Variants in MFSD2B observed in about 807,000 individuals in gnomAD.
MFSD2B encodes sphingosine-1-phosphate transporter MFSD2B.
Under a neutral mutation model 58.4 loss-of-function variants are expected in MFSD2B, and 56 were observed. The observed-to-expected ratio is 0.96, with a 90% CI of 0.77 to 1.20. MFSD2B has a LOEUF of 1.20. MFSD2B is among the 50% of genes most tolerant of loss of function. The pLI is 0.00. For synonymous variants in MFSD2B, 287 were observed against 294.4 expected (o/e 0.97, Z 0.26); for missense variants, 645 against 667.6 (o/e 0.97, Z 0.37).
rs1708902369 is a variant in MFSD2B, at chr2:24,010,134, C to T, written c.38C>T (p.Pro13Leu). The T allele has an allele frequency of 1.4e-6, 2 of 1,463,258 alleles. No individual in the cohort carries two copies. Among genetic ancestry groups the T allele is most frequent in the Non-Finnish European group, 1.8e-6 (2 of 1,114,142 alleles). 90.6% of individuals were successfully genotyped at this position (1,463,258 alleles called of 1,614,324 possible). A position where few individuals can be genotyped will look rare whatever the true frequency, so the allele number is the denominator to read the frequency against. ...APPAPAAKGS[P>L]QPEPHAPEPG... ...CCTGCACCAGCCGCCAAGGGGTCCC[C>T]GCAGCCGGAGCCGCACGCCCCAGAG... Residue 13 changes from proline to leucine, a missense_variant, in exon 1 of 14, where the codon CCG becomes CTG. Transcript: ENST00000338315.
intron 6 of MFSD2B, among the ~76,000 whole-genome samples, chr2:24,019,141 G>A (rs147430427): frequency 1.3e-5 from 2 of 152,202 alleles, no homozygotes; most frequent in East Asian, 1.9e-4. Context: ...GTGAGCCACC[G>A]CGCTCGACCT....
intron 1 of MFSD2B, among the ~76,000 whole-genome samples, chr2:24,011,155 G>A (rs896540512): frequency 6.6e-6 from 1 of 152,200 alleles, no homozygotes; most frequent in Non-Finnish European, 1.5e-5. Context: ...CTCGCCCGGA[G>A]CCGCCCCTCC....
chr2:24,024,191 T>G lies in MFSD2B; in HGVS notation c.1410T>G (p.Leu470=). The change falls in exon 13 of 14, where the codon CTT becomes CTG. Residue 470 remains leucine, a synonymous_variant. Coordinates refer to ENST00000338315, the MANE Select transcript of MFSD2B (RefSeq NM_001346880.2). This position sits in a 1 kb window ranked among gnomAD's most constrained non-coding sequence, Gnocchi z 4.3. The part of the protein sequence containing the change: ...LIGAVPTCMI[L]AGLCILMVGS... ...GCGCCGTGCCCACCTGCATGATCCT[T>G]GCTGGGCTCTGCATCCTCATGGTCG... The G allele has an allele frequency of 6.2e-7, 1 of 1,613,746 alleles. No homozygotes were observed. Among genetic ancestry groups the G allele is most frequent in the East Asian group, 2.2e-5 (1 of 44,864 alleles).
At position 24,013,395 on chromosome 2, in the gene MFSD2B, G is replaced by T; in HGVS notation, c.207G>T (p.Leu69=). The part of the protein sequence containing the change: ...SATAFYLQLF[L]LDIAQIPAAQ... ...CAGCCTTTTACCTGCAGCTTTTCCTGCTTGATATAGCACAGGTAAGTGTGG... is the reference window on the plus strand; with the variant it reads ...CAGCCTTTTACCTGCAGCTTTTCCTTCTTGATATAGCACAGGTAAGTGTGG... The change falls in exon 2 of 14, where the codon CTG becomes CTT. Residue 69 remains leucine, a synonymous_variant. Coordinates refer to ENST00000338315, the MANE Select transcript of MFSD2B (RefSeq NM_001346880.2). 6.2e-7 allele frequency: 1 copy of T among 1,608,042 alleles called. No homozygotes were observed. The highest frequency in any genetic ancestry group is 1.7e-5 in the Admixed American group (1 of 59,428).
At chr2:24,013,544 C>A in intron 2 of MFSD2B, 134 bp downstream of exon 2, 1 of 900,390 alleles carries the variant, frequency 1.1e-6, no homozygotes, top group Non-Finnish European at 1.6e-6. Context: ...AAGCCAGAAG[C>A]CAATGAGGGC....
rs894052777 is a variant in MFSD2B, at chr2:24,026,692, G to A, written c.*1236G>A. ...CACGGGGACAGAAACTCTTGTGTAG[G>A]GGACCCTTTTAGATTTCATTCTATA... On this transcript the variant is annotated 3_prime_UTR_variant, in exon 14 of 14. Transcript: ENST00000338315. The A allele has an allele frequency of 2.6e-5, 4 of 152,208 alleles. No homozygotes were observed. Among genetic ancestry groups the A allele is most frequent in the Non-Finnish European group, 5.9e-5 (4 of 68,042 alleles). The allele number at this position is 152,208 out of a possible 1,614,324, so 9.4% of individuals were successfully genotyped here. A position where few individuals can be genotyped will look rare whatever the true frequency, so the allele number is the denominator to read the frequency against.
At chr2:24,018,929 C>A (rs1662644623) in intron 6 of MFSD2B, among the ~76,000 whole-genome samples, 1 of 148,944 alleles carries the variant, frequency 6.7e-6, no homozygotes, top group Admixed American at 6.9e-5. Context: ...CGGCTCACTG[C>A]AACCTCCGTC....
At position 24,023,525 on chromosome 2, in the gene MFSD2B, T is replaced by G. The variant is rs1341942194; in HGVS notation, c.1170-58T>G. The G allele has an allele frequency of 1.9e-6, 3 of 1,563,104 alleles. No homozygotes were observed. The highest frequency in any genetic ancestry group is 2.6e-6 in the Non-Finnish European group (3 of 1,153,560). The stretch of plus-strand genomic sequence containing the variant: ...CACTTTGGCCTCCGTCCCCAGAGAA[T>G]TCACAGGCTGCTGGTGGCCAAGGGG... On this transcript the variant is annotated intron_variant, in intron 11 of 13. Coordinates refer to ENST00000338315, the MANE Select transcript of MFSD2B (RefSeq NM_001346880.2). This position sits in a 1 kb window ranked among gnomAD's most constrained non-coding sequence, Gnocchi z 5.0.
At position 24,016,846 on chromosome 2, in the gene MFSD2B, G is replaced by T; in HGVS notation, c.349G>T (p.Val117Leu). ...TCCACCTCGGCTGTGCTTCCGCAGG[G>T]TGCTGGGCTGCACCCCCTTCATCGC... ...RTGSGRLMPW[V>L]LGCTPFIALA... The change falls in exon 4 of 14, where the codon GTG becomes TTG. Residue 117 changes from valine to leucine, a missense_variant and splice_region_variant. Coordinates refer to ENST00000338315, the MANE Select transcript of MFSD2B (RefSeq NM_001346880.2). The T allele has an allele frequency of 6.2e-7, 1 of 1,613,270 alleles. No homozygotes were observed. The highest frequency in any genetic ancestry group is 8.5e-7 in the Non-Finnish European group (1 of 1,179,832).
In MFSD2B at chr2:24,024,133, A is replaced by C. The variant is rs762323895; in HGVS notation, c.1352A>C (p.Glu451Ala). Residue 451 changes from glutamate to alanine, a missense_variant, in exon 13 of 14, where the codon GAG becomes GCG. Coordinates refer to ENST00000338315, the MANE Select transcript of MFSD2B (RefSeq NM_001346880.2). This position sits in a 1 kb window ranked among gnomAD's most constrained non-coding sequence, Gnocchi z 4.3. The part of the protein sequence containing the change: ...GYKAGVCKQA[E>A]EVVVTLKVLI... ...AAGGCAGGGGTCTGCAAGCAAGCAG[A>C]GGAGGTGGTGGTCACCCTCAAAGTC... is the stretch of plus-strand genomic sequence containing the variant. 6.2e-7 allele frequency: 1 copy of C among 1,613,850 alleles called. No homozygotes were observed. The highest frequency in any genetic ancestry group is 2.2e-5 in the East Asian group (1 of 44,872).
chr2:24,022,926 T>A lies in MFSD2B; in HGVS notation c.1059+24T>A. ...TTGTGAGTGAGGCGGGAATCAAGGATTGGGGGTGGCCGGAGGGGAGAGGTG... is the reference window on the plus strand; with the variant it reads ...TTGTGAGTGAGGCGGGAATCAAGGAATGGGGGTGGCCGGAGGGGAGAGGTG... On this transcript the variant is annotated intron_variant, in intron 10 of 13. Coordinates refer to ENST00000338315, the MANE Select transcript of MFSD2B (RefSeq NM_001346880.2). This position sits in a 1 kb window ranked among gnomAD's most constrained non-coding sequence, Gnocchi z 4.5. The A allele has an allele frequency of 6.3e-7, 1 of 1,597,036 alleles. No homozygotes were observed. Among genetic ancestry groups the A allele is most frequent in the Non-Finnish European group, 8.5e-7 (1 of 1,171,576 alleles).
In MFSD2B at chr2:24,012,185, CAG is replaced by C. The variant is rs1708983951; in HGVS notation, c.97-1098_97-1097del. Among the ~76,000 whole-genome samples the C allele has an allele frequency of 8.7e-6, 1 of 114,494 alleles. No individual in the cohort carries two copies. Among genetic ancestry groups the C allele is most frequent in the Admixed American group, 9.0e-5 (1 of 11,072 alleles). 75.1% of individuals were successfully genotyped at this position (114,494 alleles called of 152,430 possible). On this transcript the variant is annotated intron_variant, in intron 1 of 13. Coordinates refer to ENST00000338315, the MANE Select transcript of MFSD2B (RefSeq NM_001346880.2). The surrounding 1 kb of genome is among the most constrained non-coding windows in gnomAD (Gnocchi z 4.5). ...ACACACACACACACACACACAAAAA[CAG>C]ACAAAAAAACCCTGCAATAGCAAGC...
chr2:24,023,488 C>A lies in MFSD2B; in HGVS notation c.1170-95C>A. ...CCAGTCTGGTCCTGGGCACAGAACT[C>A]AGGGATGAATCCACTTTGGCCTCCG... On this transcript the variant is annotated intron_variant, in intron 11 of 13. Transcript: ENST00000338315. The surrounding 1 kb of genome is among the most constrained non-coding windows in gnomAD (Gnocchi z 5.0). 1 of 1,431,460 alleles carries A rather than the reference C, an allele frequency of 7.0e-7. No individual in the cohort carries two copies. Among genetic ancestry groups the A allele is most frequent in the Non-Finnish European group, 9.5e-7 (1 of 1,056,368 alleles). 88.7% of individuals were successfully genotyped at this position (1,431,460 alleles called of 1,614,324 possible). A position where few individuals can be genotyped will look rare whatever the true frequency, so the allele number is the denominator to read the frequency against.
intron 1 of MFSD2B, chr2:24,013,076 C>G: frequency 2.4e-6 from 1 of 409,946 alleles, no homozygotes. Flanking sequence ...AACTTCCCCC[C>G]TGGAAATGTT....
Position 24,012,164 on chromosome 2 carries a change from ACACACAC to A in MFSD2B, c.97-1120_97-1114del, listed in dbSNP as rs1330026580. Among the ~76,000 whole-genome samples, 3 of 68,386 alleles carry A rather than the reference ACACACAC, an allele frequency of 4.4e-5. No individual in the cohort carries two copies. Among genetic ancestry groups the A allele is most frequent in the Non-Finnish European group, 1.1e-4 (3 of 28,132 alleles). The allele number at this position is 68,386 out of a possible 152,430, so 44.9% of individuals were successfully genotyped here. A position where few individuals can be genotyped will look rare whatever the true frequency, so the allele number is the denominator to read the frequency against. ...ACAAACAAACAAAACACACACACAC[ACACACAC>A]ACACACACAAAAACAGACAAAAAAA... On this transcript the variant is annotated intron_variant, in intron 1 of 13. Coordinates refer to ENST00000338315, the MANE Select transcript of MFSD2B (RefSeq NM_001346880.2). The surrounding 1 kb of genome is among the most constrained non-coding windows in gnomAD (Gnocchi z 4.5).
Position 24,013,427 on chromosome 2 carries a change from G to A in MFSD2B, c.222+17G>A. 2 of 1,586,050 alleles carry A rather than the reference G, an allele frequency of 1.3e-6. No homozygotes were observed. Among genetic ancestry groups the A allele is most frequent in the Non-Finnish European group, 1.7e-6 (2 of 1,161,752 alleles). On this transcript the variant is annotated intron_variant, in intron 2 of 13. Coordinates refer to ENST00000338315, the MANE Select transcript of MFSD2B (RefSeq NM_001346880.2). ...ATAGCACAGGTAAGTGTGGGCAGTA[G>A]CCCAGTCTCTGCTGGCATCTTCCTT...
intron 2 of MFSD2B, among the ~76,000 whole-genome samples, chr2:24,015,578 A>G (rs1251331709): frequency 6.6e-6 from 1 of 152,284 alleles, no homozygotes; most frequent in Non-Finnish European, 1.5e-5. Flanking sequence ...TGAAAGGCTG[A>G]TCATCCAAAC....
intron 1 of MFSD2B, among the ~76,000 whole-genome samples, chr2:24,010,819 C>G (rs1297168507): frequency 6.6e-6 from 1 of 152,180 alleles, no homozygotes; most frequent in African/African-American, 2.4e-5. Flanking sequence ...CTGCTCCCTG[C>G]TCGTGCCCAG....
chr2:24,011,479 G>A (rs1297152910), intron 1 of MFSD2B, among the ~76,000 whole-genome samples: 2 of 152,182 alleles, frequency 1.3e-5, no homozygotes, highest in East Asian at 3.8e-4. Flanking sequence ...TAGGAAGAGT[G>A]TGCAAAGTGT....
Sources: allele counts gnomAD v4.1 joint callset (sites outside exome capture counted in the v4.1 genomes callset), GRCh38; gene constraint gnomAD v4.1.1; non-coding constraint Gnocchi (gnomAD v3.1); transcripts MANE v1.5; gene names NCBI Gene and HGNC (gene_info 2026-07-23, HGNC 2026-07-21).